CADM1: variants seen among roughly 807,000 people sequenced by gnomAD.
CADM1 encodes the protein TSLC-1.
CADM1 carries 15 observed loss-of-function variants against 53.1 expected under a neutral mutation model. That is an observed-to-expected ratio of 0.28 (90% CI 0.19 to 0.44). The LOEUF is 0.44. Ranked by LOEUF, CADM1 falls within the 20% of genes least tolerant of loss-of-function variation. The probability of loss-of-function intolerance (pLI) is 1.00; values close to 1 mark genes in which losing one functional copy is unlikely to be tolerated. For synonymous variants in CADM1, 281 were observed against 243.0 expected (o/e 1.16, Z -1.45); for missense variants, 434 against 611.3 (o/e 0.71, Z 3.06).
In CADM1 at chr11:115,426,643, C is replaced by T. The variant is rs534235939; in HGVS notation, c.124+77628G>A. Among the ~76,000 whole-genome samples the T allele has an allele frequency of 9.2e-5, 14 of 152,302 alleles. No homozygotes were observed. In the South Asian group the frequency reaches 1.2e-3, roughly 14 times the overall value. On this transcript the variant is annotated intron_variant, in intron 1 of 11. Coordinates refer to ENST00000331581, the MANE Select transcript of CADM1 (RefSeq NM_001301043.2). ...GCTAAGACAAGGTCACTCACTGCATCCTCTGCTGCACCAGTTGAGTTTCAT... is the reference window on the plus strand; with the variant it reads ...GCTAAGACAAGGTCACTCACTGCATTCTCTGCTGCACCAGTTGAGTTTCAT...
chr11:115,183,217 T>C (rs1214508065), intron 10 of CADM1, among the ~76,000 whole-genome samples: 1 of 152,186 alleles, frequency 6.6e-6, no homozygotes, highest in Non-Finnish European at 1.5e-5. Context: ...CTTTTCTTTC[T>C]CTACTTGTTT....
intron 1 of CADM1, among the ~76,000 whole-genome samples, chr11:115,475,995 G>T (rs1257360740): frequency 6.6e-6 from 1 of 152,124 alleles, no homozygotes; most frequent in Non-Finnish European, 1.5e-5. Context: ...TAGCAAAAAG[G>T]TTCACTCTTA....
chr11:115,173,641 AT>A lies in CADM1; in HGVS notation c.*2832del, dbSNP rs5794958. On this transcript the variant is annotated 3_prime_UTR_variant, in exon 12 of 12. Coordinates refer to ENST00000331581, the MANE Select transcript of CADM1 (RefSeq NM_001301043.2). ...ATTAAAGGATCACTTTGTAACATTA[AT>A]TTTTTTTTATTAAGAAGACAGATAT... 3.1e-4 allele frequency: 104 copies of A among 335,128 alleles called. No homozygotes were observed. The highest frequency in any genetic ancestry group is 1.5e-3 in the Middle Eastern group (1 of 652). 20.8% of individuals were successfully genotyped at this position (335,128 alleles called of 1,614,324 possible).
intron 1 of CADM1, among the ~76,000 whole-genome samples, chr11:115,295,503 A>ATT (rs1186055883): frequency 0.022 from 766 of 35,270 alleles, 17 homozygotes; most frequent in Non-Finnish European, 0.018. Flanking sequence ...TGATCAAGAT[A>ATT]TTTTATATAT....
intron 2 of CADM1, 47 bp from the exon 3 acceptor site, chr11:115,238,699 C>A: frequency 6.3e-7 from 1 of 1,587,722 alleles, no homozygotes; most frequent in Non-Finnish European, 8.6e-7. Context: ...GGTGGACGGA[C>A]AGTCTATTTT....
rs1941534301 is a variant in CADM1, at chr11:115,224,626, G to A, written c.721+4487C>T. ...GAAGCCACACAGCAGTAATTCAAGA[G>A]CTTCATATTCACCCCAGTCCAGAGG... On this transcript the variant is annotated intron_variant, in intron 5 of 11. Coordinates refer to ENST00000331581, the MANE Select transcript of CADM1 (RefSeq NM_001301043.2). 3.3e-5 allele frequency among the ~76,000 whole-genome samples: 5 copies of A among 152,086 alleles called. No homozygotes were observed. The South Asian group carries it at 8.3e-4, about 25-fold the overall frequency.
At chr11:115,339,675 GCTAT>G (rs1021924919) in intron 1 of CADM1, among the ~76,000 whole-genome samples, 4 of 151,958 alleles carry the variant, frequency 2.6e-5, no homozygotes. Context: ...CATACAAGCA[GCTAT>G]CTAATATCAA....
At position 115,170,610 on chromosome 11, in the gene CADM1, G is replaced by C. The variant is rs1006104059; in HGVS notation, c.*5864C>G. ...GTGAGTGTTGGGTGGGGGGTGGTGG[G>C]GGGGGACTGAATCCTGCAGTTCCTA... On this transcript the variant is annotated 3_prime_UTR_variant, in exon 12 of 12. Transcript: ENST00000331581. 3 of 149,634 alleles carry C rather than the reference G, an allele frequency of 2.0e-5. No homozygotes were observed. Among genetic ancestry groups the C allele is most frequent in the Non-Finnish European group, 3.0e-5 (2 of 67,554 alleles). The allele number at this position is 149,634 out of a possible 1,614,324, so 9.3% of individuals were successfully genotyped here. A position where few individuals can be genotyped will look rare whatever the true frequency, so the allele number is the denominator to read the frequency against.
intron 1 of CADM1, among the ~76,000 whole-genome samples, chr11:115,288,482 CCT>C (rs1943792046): frequency 1.3e-5 from 2 of 152,182 alleles, no homozygotes; most frequent in South Asian, 2.1e-4. Context: ...ATCACCAACC[CCT>C]GTTTCTATAT....
chr11:115,177,100 T>C (rs1476951389), intron 11 of CADM1, among the ~76,000 whole-genome samples: 1 of 152,132 alleles, frequency 6.6e-6, no homozygotes, highest in Non-Finnish European at 1.5e-5. Flanking sequence ...TACCCATAGG[T>C]GAGAAGGTGC....
intron 1 of CADM1, among the ~76,000 whole-genome samples, chr11:115,296,247 G>T (rs1055330299): frequency 6.6e-6 from 1 of 152,150 alleles, no homozygotes; most frequent in Non-Finnish European, 1.5e-5. Context: ...GACTGTGCCT[G>T]GCCCATAAAG....
chr11:115,242,153 G>T (rs577476968), intron 1 of CADM1, among the ~76,000 whole-genome samples: 1 of 152,022 alleles, frequency 6.6e-6, no homozygotes, highest in East Asian at 1.9e-4. Context: ...TCTGATGCTT[G>T]AGGAGCAGAC....
intron 1 of CADM1, among the ~76,000 whole-genome samples, chr11:115,372,647 A>G (rs1946336841): frequency 6.6e-6 from 1 of 152,216 alleles, no homozygotes. Flanking sequence ...CCAAAGTCTG[A>G]TCTTATGGTG....
chr11:115,466,636 G>A (rs1346410837), intron 1 of CADM1, among the ~76,000 whole-genome samples: 1 of 152,174 alleles, frequency 6.6e-6, no homozygotes, highest in Non-Finnish European at 1.5e-5. Flanking sequence ...TTCCCCATGT[G>A]TGAGATCAAA....
intron 1 of CADM1, among the ~76,000 whole-genome samples, chr11:115,309,703 G>A (rs901349200): frequency 6.6e-6 from 1 of 152,114 alleles, no homozygotes; most frequent in Non-Finnish European, 1.5e-5. Flanking sequence ...TGAGATGTTA[G>A]TTCCGGTTCT....
chr11:115,485,404 A>T (rs1817734113), intron 1 of CADM1, among the ~76,000 whole-genome samples: 1 of 152,160 alleles, frequency 6.6e-6, no homozygotes, highest in Admixed American at 6.5e-5. Context: ...TAACTAAATA[A>T]AAGCATAATG....
At chr11:115,434,856 TA>T (rs1948143852) in intron 1 of CADM1, among the ~76,000 whole-genome samples, 4 of 112,010 alleles carry the variant, frequency 3.6e-5, no homozygotes, top group Non-Finnish European at 9.3e-5. Flanking sequence ...TTATTATTAT[TA>T]TTATTATTTT....
At chr11:115,354,599 C>T (rs1189516777) in intron 1 of CADM1, among the ~76,000 whole-genome samples, 1 of 152,130 alleles carries the variant, frequency 6.6e-6, no homozygotes, top group African/African-American at 2.4e-5. Flanking sequence ...GGACACAGTC[C>T]TTTCTTTGAA....
intron 1 of CADM1, among the ~76,000 whole-genome samples, chr11:115,332,346 A>G (rs1945153474): frequency 6.6e-6 from 1 of 152,208 alleles, no homozygotes; most frequent in Non-Finnish European, 1.5e-5. Flanking sequence ...TTCAAAGTGG[A>G]GCAGATCTAT....
Sources: allele counts gnomAD v4.1 joint callset (sites outside exome capture counted in the v4.1 genomes callset), GRCh38; gene constraint gnomAD v4.1.1; transcripts MANE v1.5; gene names NCBI Gene and HGNC (gene_info 2026-07-23, HGNC 2026-07-21).